Variants in DOCK3 observed in about 807,000 individuals in gnomAD.
DOCK3 encodes dedicator of cytokinesis 3.
Under a neutral mutation model 265.6 loss-of-function variants are expected in DOCK3, and 60 were observed. The ratio of observed to expected loss-of-function variants is 0.23; its 90% CI spans 0.18 to 0.28. The LOEUF is 0.28. DOCK3 is among the 10% of genes least tolerant of loss of function. The probability of loss-of-function intolerance (pLI) is 1.00; values close to 1 mark genes in which losing one functional copy is unlikely to be tolerated. For synonymous variants in DOCK3, 881 were observed against 938.0 expected (o/e 0.94, Z 1.11); for missense variants, 1,981 against 2,594.3 (o/e 0.76, Z 5.14).
chr3:50,708,224 G>T (rs893739267), intron 1 of DOCK3, among the ~76,000 whole-genome samples: 1 of 152,152 alleles, frequency 6.6e-6, no homozygotes, highest in African/African-American at 2.4e-5. Flanking sequence ...AAAGGCCCTT[G>T]GGAATCCTGC....
chr3:50,807,392 G>C (rs564814491), intron 2 of DOCK3, among the ~76,000 whole-genome samples: 1 of 152,082 alleles, frequency 6.6e-6, no homozygotes, highest in South Asian at 2.1e-4. Context: ...AACTAACAGA[G>C]TGAGAACTCA....
intron 21 of DOCK3, among the ~76,000 whole-genome samples, chr3:51,245,122 A>G (rs1025636708): frequency 3.3e-5 from 5 of 152,122 alleles, no homozygotes; most frequent in African/African-American, 1.2e-4. Flanking sequence ...TGAGGCTAGG[A>G]GTTCGAGACC....
chr3:50,725,654 C>G (rs986683182), intron 1 of DOCK3, among the ~76,000 whole-genome samples: 5 of 152,226 alleles, frequency 3.3e-5, no homozygotes, highest in Admixed American at 2.0e-4. Flanking sequence ...TCACCGTCTC[C>G]CATTCTTGGT....
chr3:51,274,005 G>C (rs565380858), intron 24 of DOCK3, among the ~76,000 whole-genome samples: 1 of 152,164 alleles, frequency 6.6e-6, no homozygotes, highest in Non-Finnish European at 1.5e-5. Context: ...AATAAAGCTC[G>C]TGAGAGGAGT....
intron 27 of DOCK3, among the ~76,000 whole-genome samples, chr3:51,283,996 A>G (rs1229301061): frequency 6.6e-6 from 1 of 151,626 alleles, no homozygotes; most frequent in Non-Finnish European, 1.5e-5. Context: ...TTACACACTT[A>G]CATTCGTGAG....
intron 12 of DOCK3, among the ~76,000 whole-genome samples, chr3:51,179,048 A>C (rs1314197181): frequency 1.3e-5 from 2 of 152,238 alleles, no homozygotes; most frequent in African/African-American, 4.8e-5. Context: ...ACGCTGTGAT[A>C]GTCAAAGAGA....
intron 1 of DOCK3, among the ~76,000 whole-genome samples, chr3:50,773,249 C>G (rs1423582022): frequency 6.6e-6 from 1 of 152,086 alleles, no homozygotes; most frequent in Non-Finnish European, 1.5e-5. Flanking sequence ...AAGAATTAAA[C>G]TAGACTCCTA....
chr3:51,265,535 G>C (rs1204321455), intron 23 of DOCK3, among the ~76,000 whole-genome samples: 1 of 152,180 alleles, frequency 6.6e-6, no homozygotes, highest in Admixed American at 6.5e-5. Context: ...GGGATGTAAG[G>C]CTGGTTCAAC....
chr3:50,893,676 G>A (rs2048751702), intron 4 of DOCK3, among the ~76,000 whole-genome samples: 1 of 151,970 alleles, frequency 6.6e-6, no homozygotes, highest in Non-Finnish European at 1.5e-5. Flanking sequence ...GGGCAGGAGA[G>A]AGAGGAAGAG....
intron 12 of DOCK3, among the ~76,000 whole-genome samples, chr3:51,208,364 C>T (rs1399186960): frequency 6.6e-6 from 1 of 152,176 alleles, no homozygotes; most frequent in South Asian, 2.1e-4. Context: ...AGTTGTATGA[C>T]AGTAAAAAAC....
chr3:50,753,198 A>T (rs2039944721), intron 1 of DOCK3, among the ~76,000 whole-genome samples: 2 of 152,216 alleles, frequency 1.3e-5, no homozygotes. Context: ...TTAGTTACTT[A>T]GTGTTCCTTG....
intron 35 of DOCK3, among the ~76,000 whole-genome samples, chr3:51,335,181 C>T (rs1016373034): frequency 6.6e-6 from 1 of 151,046 alleles, no homozygotes; most frequent in African/African-American, 2.4e-5. Context: ...CTAAAGTATA[C>T]ATATGTAACA....
intron 3 of DOCK3, among the ~76,000 whole-genome samples, chr3:50,858,058 G>A (rs983057100): frequency 6.6e-6 from 1 of 152,162 alleles, no homozygotes. Context: ...ACTGAATTAA[G>A]AATATGTGGC....
intron 12 of DOCK3, among the ~76,000 whole-genome samples, chr3:51,198,227 G>A (rs1453747271): frequency 1.3e-5 from 2 of 152,238 alleles, no homozygotes; most frequent in Non-Finnish European, 2.9e-5. Context: ...ACCCAGGAAA[G>A]TTATCCACCT....
At position 50,691,065 on chromosome 3, in the gene DOCK3, G is replaced by A. The variant is rs564594011; in HGVS notation, c.37+15765G>A. Reference sequence around the variant, plus strand: ...TGGGAGGCTGAGGCAGGTGGATCACGAGGTCAGGAGATCGAGACCATCCTG... The same window carrying A: ...TGGGAGGCTGAGGCAGGTGGATCACAAGGTCAGGAGATCGAGACCATCCTG... On this transcript the variant is annotated intron_variant, in intron 1 of 52. Transcript: ENST00000266037. Among the ~76,000 whole-genome samples, 1,001 of 151,640 alleles carry A rather than the reference G, an allele frequency of 6.6e-3. 11 individuals carry two copies. The highest frequency in any genetic ancestry group is 0.023 in the African/African-American group (960 of 41,364).
intron 10 of DOCK3, among the ~76,000 whole-genome samples, chr3:51,155,141 A>C (rs1164444526): frequency 2.0e-5 from 3 of 151,006 alleles, no homozygotes; most frequent in African/African-American, 7.3e-5. Flanking sequence ...ATGCTTGGCT[A>C]ATTTTTTTTT....
In DOCK3 at chr3:51,096,558, G is replaced by T. The variant is rs1039538450; in HGVS notation, c.746+6174G>T. On this transcript the variant is annotated intron_variant, in intron 9 of 52. Coordinates refer to ENST00000266037, the MANE Select transcript of DOCK3 (RefSeq NM_004947.5). ...AGCAATTCCTCTAATCTTTTTCAAG[G>T]TTCTTAGCTTCCTTGCATTGGGTTA... 2.0e-5 allele frequency among the ~76,000 whole-genome samples: 3 copies of T among 152,072 alleles called. No individual in the cohort carries two copies. In the East Asian group the frequency reaches 5.8e-4, roughly 29 times the overall value.
chr3:50,735,178 G>A (rs1013693788), intron 1 of DOCK3, among the ~76,000 whole-genome samples: 1 of 152,120 alleles, frequency 6.6e-6, no homozygotes, highest in Admixed American at 6.6e-5. Flanking sequence ...GAAATCTACA[G>A]ATAGTCTTAT....
intron 5 of DOCK3, among the ~76,000 whole-genome samples, chr3:50,938,851 A>C (rs2051540543): frequency 6.6e-6 from 1 of 151,828 alleles, no homozygotes; most frequent in Non-Finnish European, 1.5e-5. Flanking sequence ...AGAAACTAAA[A>C]AAGGACTCCA....
Sources: gnomAD v4.1 joint callset for allele counts (sites outside exome capture counted in the v4.1 genomes callset) on GRCh38, gnomAD v4.1.1 for gene constraint, MANE v1.5 for transcripts, NCBI Gene and HGNC (gene_info 2026-07-23, HGNC 2026-07-21) for gene names.